MAST3: variants seen among roughly 807,000 people sequenced by gnomAD.
MAST3 encodes the protein microtubule associated serine/threonine kinase 3.
A neutral mutation model predicts 127.0 loss-of-function variants in MAST3; 43 were observed. The ratio of observed to expected loss-of-function variants is 0.34; its 90% CI spans 0.27 to 0.44. MAST3 has a LOEUF of 0.44. Among genes scored for constraint, MAST3 ranks in the 20% least tolerant of loss-of-function variants. The pLI is 1.00. For missense variants in MAST3, 1,390 were observed against 1,919.1 expected (o/e 0.72, Z 5.15); for synonymous variants, 785 against 809.2 (o/e 0.97, Z 0.51).
Position 18,130,514 on chromosome 19 carries a change from A to G in MAST3, c.1244A>G (p.His415Arg). The change falls in exon 14 of 28, where the codon CAC (histidine) becomes CGC (arginine). Residue 415 changes from histidine to arginine, a missense_variant. His to Arg is a conservative substitution (Grantham distance 29). Coordinates refer to ENST00000687212, the MANE Select transcript of MAST3 (RefSeq NM_001393504.1). ...GAYGAVYLVR[H>R]RDTRQRFAIK... ...CCCAGGGCCGTCTACCTGGTGCGGC[A>G]CCGTGACACACGGCAGCGCTTTGCC... 6.2e-7 allele frequency: 1 copy of G among 1,606,214 alleles called. No individual in the cohort carries two copies. Among genetic ancestry groups the G allele is most frequent in the African/African-American group, 1.3e-5 (1 of 74,900 alleles).
intron 27 of MAST3, among the ~76,000 whole-genome samples, chr19:18,148,580 A>C (rs962953178): frequency 6.6e-6 from 1 of 152,152 alleles, no homozygotes; most frequent in South Asian, 2.1e-4. Flanking sequence ...GAGCTAGGCC[A>C]AGGAAACAAC....
chr19:18,117,105 A>T (rs1055479144), intron 3 of MAST3, among the ~76,000 whole-genome samples: 1 of 151,834 alleles, frequency 6.6e-6, no homozygotes, highest in Admixed American at 6.6e-5. Flanking sequence ...CTGCTTCCAT[A>T]GTGAACACAT....
chr19:18,122,885 C>T, intron 6 of MAST3, 134 bp downstream of exon 6: 1 of 1,004,262 alleles, frequency 1.0e-6, no homozygotes, highest in Admixed American at 2.0e-5. Flanking sequence ...TCCATGCACG[C>T]CCCATTCTGG....
intron 1 of MAST3, among the ~76,000 whole-genome samples, chr19:18,101,453 G>T (rs1267650690): frequency 6.6e-6 from 1 of 150,764 alleles, no homozygotes; most frequent in Non-Finnish European, 1.5e-5. Flanking sequence ...AATTCCAGGG[G>T]CATCGAACTT....
chr19:18,124,334 A>G lies in MAST3; in HGVS notation c.913A>G (p.Ile305Val). Residue 305 changes from isoleucine (I) to valine (V), a missense_variant, in exon 10 of 28, where the codon ATC (isoleucine) becomes GTC (valine). By Grantham distance (29) the Ile-to-Val change is conservative. Around this residue, in one of 5 missense-constraint regions of MAST3, gnomAD observed 277 missense variants for 384.8 expected, o/e 0.72. Transcript: ENST00000687212. ...GCTTGTCCGGAAACTGCTGATCATC[A>G]TCTCACGGCCAGCTCGGCTGCTGGA... ...VQLVRKLLIIISRPARLLECL... is the reference protein window; with the variant it reads ...VQLVRKLLIIVSRPARLLECL... 1.9e-6 allele frequency: 3 copies of G among 1,608,992 alleles called. No homozygotes were observed. Among genetic ancestry groups the G allele is most frequent in the Non-Finnish European group, 2.5e-6 (3 of 1,177,638 alleles).
chr19:18,101,669 CGCCCAGGCTGGAGTGCGGTG>C (rs1468124692), intron 1 of MAST3, among the ~76,000 whole-genome samples: 5 of 152,080 alleles, frequency 3.3e-5, no homozygotes, highest in Admixed American at 2.0e-4. Flanking sequence ...CTTGCCCTGT[CGCCCAGGCTGGAGTGCGGTG>C]GCCCAGGCTG....
chr19:18,137,149 CTA>C lies in MAST3; in HGVS notation c.1973-88_1973-87del, dbSNP rs2041968323. On this transcript the variant is annotated intron_variant, in intron 18 of 27. Coordinates refer to ENST00000687212, the MANE Select transcript of MAST3 (RefSeq NM_001393504.1). ...TTTTTCTGGTTCTGTGTTGTCCCTA[CTA>C]TGTGTCCAGCATGGGCAGTGGGGGT... 2.0e-6 allele frequency: 3 copies of C among 1,510,424 alleles called. No individual in the cohort carries two copies. The African/African-American group carries it at 4.1e-5, about 21-fold the overall frequency. The allele number at this position is 1,510,424 out of a possible 1,614,324, so 93.6% of individuals were successfully genotyped here.
At chr19:18,124,388 CA>C in intron 10 of MAST3, 22 bp downstream of exon 10, 3 of 1,571,968 alleles carry the variant, frequency 1.9e-6, no homozygotes, top group Non-Finnish European at 2.6e-6. Flanking sequence ...TTTCTACGGC[CA>C]GCTTGGGGTC....
intron 3 of MAST3, among the ~76,000 whole-genome samples, chr19:18,119,464 C>A (rs10401175): frequency 0.51 from 76,739 of 151,916 alleles, 19,650 homozygotes; most frequent in South Asian, 0.65. Context: ...GGCTGGGAGA[C>A]AATCACTGTG....
rs186135858 is a variant in MAST3, at chr19:18,110,423, A to C, written c.72-229A>C. On this transcript the variant is annotated intron_variant, in intron 2 of 27. Coordinates refer to ENST00000687212, the MANE Select transcript of MAST3 (RefSeq NM_001393504.1). This position sits in a 1 kb window ranked among gnomAD's most constrained non-coding sequence, Gnocchi z 4.3. ...GTGCAGGGAGGACAGGATGACAACT[A>C]CCCTCCCCCCACGTCTCTGTTCGTG... The C allele has an allele frequency of 2.6e-3, 2,578 of 981,008 alleles. 59 individuals are homozygous for C. The African/African-American group carries it at 0.041, about 16-fold the overall frequency. 60.8% of individuals were successfully genotyped at this position (981,008 alleles called of 1,614,324 possible). A position where few individuals can be genotyped will look rare whatever the true frequency, so the allele number is the denominator to read the frequency against.
chr19:18,111,113 C>T (rs762589276), intron 3 of MAST3, among the ~76,000 whole-genome samples: 1 of 152,028 alleles, frequency 6.6e-6, no homozygotes, highest in Non-Finnish European at 1.5e-5. Context: ...ACACGCACAC[C>T]CAAGGCTGAG....
At chr19:18,114,913 G>C (rs1037244954) in intron 3 of MAST3, among the ~76,000 whole-genome samples, 1 of 152,162 alleles carries the variant, frequency 6.6e-6, no homozygotes, top group Non-Finnish European at 1.5e-5. Context: ...TGGGCAGGTG[G>C]GAAGCGCTGG....
chr19:18,119,130 A>G (rs748448395), intron 3 of MAST3, among the ~76,000 whole-genome samples: 2 of 152,154 alleles, frequency 1.3e-5, no homozygotes, highest in African/African-American at 4.8e-5. Context: ...AGAGTTGAAC[A>G]AACAGTCGGC....
Position 18,116,686 on chromosome 19 carries a change from G to A in MAST3, c.162-4999G>A, listed in dbSNP as rs1263504898. On this transcript the variant is annotated intron_variant, in intron 3 of 27. Transcript: ENST00000687212. Reference sequence around the variant, plus strand: ...GCACTTTGGGAGGCCAAGGCGGGAGGATCACCTGAGGTCAGGAGTTTGAGA... The same window carrying A: ...GCACTTTGGGAGGCCAAGGCGGGAGAATCACCTGAGGTCAGGAGTTTGAGA... Among the ~76,000 whole-genome samples, 11 of 132,210 alleles carry A rather than the reference G, an allele frequency of 8.3e-5. No homozygotes were observed. In the South Asian group the frequency reaches 1.5e-3, roughly 18 times the overall value. 86.7% of individuals were successfully genotyped at this position (132,210 alleles called of 152,430 possible). A position where few individuals can be genotyped will look rare whatever the true frequency, so the allele number is the denominator to read the frequency against.
At chr19:18,103,862 C>A (rs1372953034) in intron 1 of MAST3, among the ~76,000 whole-genome samples, 1 of 152,086 alleles carries the variant, frequency 6.6e-6, no homozygotes, top group Non-Finnish European at 1.5e-5. Flanking sequence ...TGGGACCCCC[C>A]ACCAGGGTTC....
chr19:18,150,102 T>C lies in MAST3; in HGVS notation c.*376T>C. On this transcript the variant is annotated 3_prime_UTR_variant, in exon 28 of 28. Transcript: ENST00000687212. Reference sequence around the variant, plus strand: ...CCCAAGTTCAAGCGATTGTCCTGCCTCAGCTTCCCAAGTGGCTGGGATTAC... The same window carrying C: ...CCCAAGTTCAAGCGATTGTCCTGCCCCAGCTTCCCAAGTGGCTGGGATTAC... The C allele has an allele frequency of 4.6e-6, 1 of 215,568 alleles. No homozygotes were observed. The highest frequency in any genetic ancestry group is 9.2e-6 in the Non-Finnish European group (1 of 109,232). 13.4% of individuals were successfully genotyped at this position (215,568 alleles called of 1,614,324 possible). A position where few individuals can be genotyped will look rare whatever the true frequency, so the allele number is the denominator to read the frequency against.
At chr19:18,119,890 C>G (rs2039757981) in intron 3 of MAST3, among the ~76,000 whole-genome samples, 1 of 152,226 alleles carries the variant, frequency 6.6e-6, no homozygotes, top group African/African-American at 2.4e-5. Context: ...CTCGGAGGCC[C>G]CGAGACTTCA....
Position 18,150,199 on chromosome 19 carries a change from G to C in MAST3, c.*473G>C, listed in dbSNP as rs2043438939. 6.0e-6 allele frequency: 1 copy of C among 166,470 alleles called. No homozygotes were observed. Among genetic ancestry groups the C allele is most frequent in the Non-Finnish European group, 1.3e-5 (1 of 77,872 alleles). 10.3% of individuals were successfully genotyped at this position (166,470 alleles called of 1,614,324 possible). ...GACGGGGTTTCACCATGTTGGTCAGGCTGGTCTCGAACTCCTGACCTCATG... is the reference window on the plus strand; with the variant it reads ...GACGGGGTTTCACCATGTTGGTCAGCCTGGTCTCGAACTCCTGACCTCATG... On this transcript the variant is annotated 3_prime_UTR_variant, in exon 28 of 28. Coordinates refer to ENST00000687212, the MANE Select transcript of MAST3 (RefSeq NM_001393504.1).
At position 18,124,115 on chromosome 19, in the gene MAST3, G is replaced by C; in HGVS notation, c.810G>C (p.Glu270Asp). Residue 270 changes from glutamate to aspartate, a missense_variant, in exon 9 of 28, where the codon GAG becomes GAC. Around this residue, in one of 5 missense-constraint regions of MAST3, gnomAD observed 277 missense variants for 384.8 expected, o/e 0.72. Coordinates refer to ENST00000687212, the MANE Select transcript of MAST3 (RefSeq NM_001393504.1). ...TCGTCACCTCCCGCTACTTCCTAGA[G>C]ATGCAGGAGAAGCTGGAGCGGCTTC... ...ENLVTSRYFL[E>D]MQEKLERLLQ... 6.2e-7 allele frequency: 1 copy of C among 1,611,856 alleles called. No homozygotes were observed. The highest frequency in any genetic ancestry group is 8.5e-7 in the Non-Finnish European group (1 of 1,179,086).
Sources: gnomAD v4.1 joint callset for allele counts (sites outside exome capture counted in the v4.1 genomes callset) on GRCh38, gnomAD v4.1.1 for gene constraint, gnomAD v4.1.1 regional missense constraint, Gnocchi (gnomAD v3.1) non-coding constraint, MANE v1.5 for transcripts, NCBI Gene and HGNC (gene_info 2026-07-23, HGNC 2026-07-21) for gene names.